ROCK2: variants seen among roughly 807,000 people sequenced by gnomAD.
ROCK2 encodes the protein rho-associated protein kinase 2.
In ROCK2, 61 loss-of-function variants were observed where a neutral mutation model predicts 195.1. The ratio of observed to expected loss-of-function variants is 0.31; its 90% confidence interval spans 0.25 to 0.39. The LOEUF (loss-of-function observed/expected upper bound fraction) is 0.39. Among genes scored for constraint, ROCK2 ranks in the 10% least tolerant of loss-of-function variants. ROCK2 has a pLI of 1.00. For synonymous variants in ROCK2, 504 were observed against 545.5 expected (o/e 0.92, Z 1.06); for missense variants, 1,109 against 1,637.4 (o/e 0.68, Z 5.57).
intron 30 of ROCK2, among the ~76,000 whole-genome samples, chr2:11,193,337 T>C (rs999715769): frequency 1.1e-4 from 17 of 152,044 alleles, no homozygotes; most frequent in African/African-American, 3.1e-4. Flanking sequence ...AATTTTAAAA[T>C]GGAAGTAGTA....
intron 3 of ROCK2, among the ~76,000 whole-genome samples, chr2:11,256,004 T>C (rs1433117206): frequency 4.6e-5 from 4 of 87,136 alleles, no homozygotes; most frequent in Non-Finnish European, 4.8e-5. Flanking sequence ...ATCTGAAAAA[T>C]AAAGACAAAA....
intron 1 of ROCK2, among the ~76,000 whole-genome samples, chr2:11,302,459 A>C (rs1345840175): frequency 6.6e-6 from 1 of 152,014 alleles, no homozygotes; most frequent in East Asian, 1.9e-4. Flanking sequence ...AGGCACCCCT[A>C]ACATTATTCC....
chr2:11,321,760 C>A (rs1201071493), intron 1 of ROCK2, among the ~76,000 whole-genome samples: 1 of 152,034 alleles, frequency 6.6e-6, no homozygotes, highest in Non-Finnish European at 1.5e-5. Context: ...CATATTCATT[C>A]TTTGAAGCAT....
At chr2:11,237,486 A>G (rs1186874518) in intron 4 of ROCK2, among the ~76,000 whole-genome samples, 2 of 152,192 alleles carry the variant, frequency 1.3e-5, no homozygotes, top group Admixed American at 1.3e-4. Context: ...AGATCAAGAA[A>G]ACCTCTAAAT....
intron 4 of ROCK2, among the ~76,000 whole-genome samples, chr2:11,240,407 A>G (rs1293191237): frequency 1.3e-5 from 2 of 152,204 alleles, no homozygotes; most frequent in Non-Finnish European, 2.9e-5. Context: ...ATTATAACAC[A>G]CCATACAATG....
At chr2:11,311,167 T>C (rs982522717) in intron 1 of ROCK2, among the ~76,000 whole-genome samples, 1 of 152,130 alleles carries the variant, frequency 6.6e-6, no homozygotes, top group Non-Finnish European at 1.5e-5. Context: ...AATCTGGAGA[T>C]TTCTATCTCT....
chr2:11,284,112 A>C (rs1667108059), intron 3 of ROCK2, among the ~76,000 whole-genome samples: 1 of 152,236 alleles, frequency 6.6e-6, no homozygotes. Context: ...GACATGGAGA[A>C]ACCTTAAATG....
At chr2:11,184,613 A>G (rs1663123198) in intron 32 of ROCK2, 1 of 984,078 alleles carries the variant, frequency 1.0e-6, no homozygotes, top group African/African-American at 1.7e-5. Flanking sequence ...GTGGCAAACC[A>G]CATGCACTAC....
intron 1 of ROCK2, among the ~76,000 whole-genome samples, chr2:11,316,081 C>G (rs1424610118): frequency 1.3e-5 from 2 of 152,084 alleles, no homozygotes; most frequent in African/African-American, 4.8e-5. Flanking sequence ...CCTAAGAAAG[C>G]TCTCTTTAAA....
chr2:11,202,448 C>T (rs1263190615), intron 20 of ROCK2, among the ~76,000 whole-genome samples: 3 of 151,112 alleles, frequency 2.0e-5, no homozygotes, highest in Non-Finnish European at 4.4e-5. Flanking sequence ...ATATAACAAA[C>T]GTAAACAAAA....
chr2:11,322,765 G>C (rs574000422), intron 1 of ROCK2, among the ~76,000 whole-genome samples: 125 of 152,098 alleles, frequency 8.2e-4, no homozygotes, highest in Non-Finnish European at 1.4e-3. Context: ...TTTGGTTTTG[G>C]CTAATTTTAT....
chr2:11,340,560 G>GA (rs1263456470), intron 1 of ROCK2, among the ~76,000 whole-genome samples: 4 of 151,542 alleles, frequency 2.6e-5, no homozygotes, highest in East Asian at 1.9e-4. Context: ...TCTTCATAAA[G>GA]AAAAAAATGT....
chr2:11,185,045 A>G (rs1436946429), intron 32 of ROCK2, among the ~76,000 whole-genome samples: 1 of 151,960 alleles, frequency 6.6e-6, no homozygotes, highest in East Asian at 1.9e-4. Flanking sequence ...CTCCCTCCTC[A>G]CTCCCATACC....
intron 3 of ROCK2, among the ~76,000 whole-genome samples, chr2:11,270,365 G>T (rs1355204380): frequency 2.0e-5 from 3 of 152,092 alleles, no homozygotes; most frequent in Non-Finnish European, 4.4e-5. Context: ...TCTGCTTTCT[G>T]TTCTTTGGGC....
chr2:11,188,282 G>T (rs1043167365), intron 32 of ROCK2, among the ~76,000 whole-genome samples: 38 of 151,702 alleles, frequency 2.5e-4, no homozygotes, highest in African/African-American at 9.2e-4. Flanking sequence ...GCTAATTTTT[G>T]TATTTTTAGT....
intron 7 of ROCK2, 133 bp downstream of exon 7, chr2:11,224,189 G>A: frequency 2.4e-6 from 2 of 835,446 alleles, no homozygotes; most frequent in Non-Finnish European, 3.7e-6. Context: ...GAAGGAAAAG[G>A]CTAACCCAGA....
chr2:11,278,328 TGG>T (rs1438069311), intron 3 of ROCK2, among the ~76,000 whole-genome samples: 1 of 152,242 alleles, frequency 6.6e-6, no homozygotes, highest in Non-Finnish European at 1.5e-5. Flanking sequence ...TTTCTGTGCC[TGG>T]GCTAATTTCA....
At chr2:11,213,395 C>T (rs528790737) in intron 17 of ROCK2, among the ~76,000 whole-genome samples, 1 of 152,126 alleles carries the variant, frequency 6.6e-6, no homozygotes, top group South Asian at 2.1e-4. Flanking sequence ...TAGCCTCATT[C>T]TGACCACTGA....
chr2:11,283,567 C>CAAAAAA (rs1456842952), intron 3 of ROCK2, among the ~76,000 whole-genome samples: 1 of 55,318 alleles, frequency 1.8e-5, no homozygotes, highest in Non-Finnish European at 3.5e-5. Flanking sequence ...GACTCCGTCT[C>CAAAAAA]AAAAAAAAAA....
Sources: gnomAD v4.1 joint callset for allele counts (sites outside exome capture counted in the v4.1 genomes callset) on GRCh38, gnomAD v4.1.1 for gene constraint, MANE v1.5 for transcripts, NCBI Gene and HGNC (gene_info 2026-07-23, HGNC 2026-07-21) for gene names.